The following ITGA1 variants were observed in gnomAD, a reference collection of about 807,000 sequenced individuals.
ITGA1 encodes the protein integrin subunit alpha 1.
In ITGA1, 85 loss-of-function variants were observed where a neutral mutation model predicts 145.9. That is an observed-to-expected ratio of 0.58 (90% confidence interval 0.49 to 0.70). The LOEUF (loss-of-function observed/expected upper bound fraction) is 0.70, where lower values mean the gene tolerates loss of function less well. Among genes scored for constraint, ITGA1 ranks in the 30% least tolerant of loss-of-function variants. ITGA1 has a pLI of 0.00. For missense variants in ITGA1, 1,351 were observed against 1,418.7 expected (o/e 0.95, Z 0.77); for synonymous variants, 520 against 495.3 (o/e 1.05, Z -0.66).
intron 1 of ITGA1, among the ~76,000 whole-genome samples, chr5:52,836,220 T>C (rs1456170048): frequency 6.6e-6 from 1 of 152,202 alleles, no homozygotes; most frequent in African/African-American, 2.4e-5. Context: ...TGTGTCTCTT[T>C]CTTACAGAAA....
chr5:52,873,219 C>T (rs1749806507), intron 6 of ITGA1, among the ~76,000 whole-genome samples: 1 of 152,194 alleles, frequency 6.6e-6, no homozygotes. Flanking sequence ...GGGGATTCCC[C>T]TGGACAACCC....
chr5:52,894,327 G>T (rs1579703346), intron 9 of ITGA1, among the ~76,000 whole-genome samples: 1 of 151,984 alleles, frequency 6.6e-6, no homozygotes, highest in African/African-American at 2.4e-5. Context: ...ATGGAAATTT[G>T]CCTTAAAATC....
chr5:52,937,593 T>C (rs1011128121), intron 24 of ITGA1, 79 bp downstream of exon 24: 36 of 849,602 alleles, frequency 4.2e-5, no homozygotes, highest in Admixed American at 1.9e-4. Flanking sequence ...TTCTGCATGA[T>C]ACTTGTAATA....
chr5:52,862,084 G>C (rs916220778), intron 3 of ITGA1, among the ~76,000 whole-genome samples: 3 of 151,778 alleles, frequency 2.0e-5, no homozygotes, highest in African/African-American at 7.3e-5. Flanking sequence ...TGGGCATAGT[G>C]GTACATGCCT....
At chr5:52,800,419 G>C (rs1300080098) in intron 1 of ITGA1, 10 of 1,613,982 alleles carry the variant, frequency 6.2e-6, no homozygotes, top group East Asian at 2.2e-5. Context: ...GAAGAACATC[G>C]AGAAGGACAA....
chr5:52,914,597 C>CAAAA (rs34589797), intron 14 of ITGA1, among the ~76,000 whole-genome samples: 1 of 141,908 alleles, frequency 7.0e-6, no homozygotes, highest in Non-Finnish European at 1.5e-5. Context: ...GATAGCGTCT[C>CAAAA]AAAAAAAAAA....
At chr5:52,884,447 TA>T (rs72022536) in intron 7 of ITGA1, among the ~76,000 whole-genome samples, 356 of 136,594 alleles carry the variant, frequency 2.6e-3, no homozygotes, top group Admixed American at 3.2e-3. Flanking sequence ...AACTCTGCCT[TA>T]AAAAAAAAAA....
chr5:52,883,644 C>G (rs544763841), intron 7 of ITGA1, among the ~76,000 whole-genome samples: 2 of 152,142 alleles, frequency 1.3e-5, no homozygotes, highest in East Asian at 3.9e-4. Flanking sequence ...TGTGTGTGTT[C>G]CCTTCTTCCT....
At position 52,954,987 on chromosome 5, in the gene ITGA1, C is replaced by G. The variant is rs568826048; in HGVS notation, c.*2536C>G. 6.6e-6 allele frequency: 1 copy of G among 152,178 alleles called. No individual in the cohort carries two copies. Among genetic ancestry groups the G allele is most frequent in the East Asian group, 1.9e-4 (1 of 5,178 alleles). The allele number at this position is 152,178 out of a possible 1,614,324, so 9.4% of individuals were successfully genotyped here. ...TTAGAAAAACAGGTGATATTTAAGA[C>G]TATTTATAAACTTATTGGCCAAATT... On this transcript the variant is annotated 3_prime_UTR_variant, in exon 29 of 29. Coordinates refer to ENST00000282588, the MANE Select transcript of ITGA1 (RefSeq NM_181501.2).
chr5:52,819,041 G>C (rs945079765), intron 1 of ITGA1, among the ~76,000 whole-genome samples: 1 of 152,168 alleles, frequency 6.6e-6, no homozygotes, highest in African/African-American at 2.4e-5. Context: ...TCAAAGGAGA[G>C]AGTTGTAGAT....
chr5:52,849,288 A>T, intron 1 of ITGA1, 77 bp from the exon 2 acceptor site: 1 of 1,277,406 alleles, frequency 7.8e-7, no homozygotes, highest in Non-Finnish European at 1.1e-6. Flanking sequence ...GGTAACCTTA[A>T]CCATGCCTTC....
At chr5:52,828,155 G>A (rs1268894257) in intron 1 of ITGA1, among the ~76,000 whole-genome samples, 3 of 152,094 alleles carry the variant, frequency 2.0e-5, no homozygotes. Flanking sequence ...AATTCTTTGG[G>A]GGTGATATAC....
chr5:52,869,388 C>T (rs1054357408), intron 6 of ITGA1, among the ~76,000 whole-genome samples: 1 of 152,036 alleles, frequency 6.6e-6, no homozygotes, highest in Non-Finnish European at 1.5e-5. Flanking sequence ...CTTGAACTCC[C>T]GACCACAGAT....
chr5:52,835,340 C>T (rs1037990296), intron 1 of ITGA1, among the ~76,000 whole-genome samples: 1 of 152,108 alleles, frequency 6.6e-6, no homozygotes, highest in Non-Finnish European at 1.5e-5. Context: ...TAAAGCGATA[C>T]ATCCTATGGG....
chr5:52,801,487 A>G (rs1186974645), intron 1 of ITGA1: 8 of 1,613,990 alleles, frequency 5.0e-6, no homozygotes, highest in Non-Finnish European at 6.8e-6. Flanking sequence ...CCTTTCAGAC[A>G]CTAAAGCTGC....
chr5:52,949,492 T>C (rs1036370667), intron 28 of ITGA1, among the ~76,000 whole-genome samples: 10 of 152,146 alleles, frequency 6.6e-5, no homozygotes, highest in African/African-American at 2.4e-4. Flanking sequence ...CTGAGGACAT[T>C]AAAGCAAAGG....
intron 7 of ITGA1, among the ~76,000 whole-genome samples, chr5:52,884,151 G>A (rs1683980468): frequency 6.6e-6 from 1 of 152,060 alleles, no homozygotes; most frequent in African/African-American, 2.4e-5. Flanking sequence ...ACTTTAAAAA[G>A]TCAGAAAATC....
Position 52,910,718 on chromosome 5 carries a change from A to G in ITGA1, c.1857+299A>G, listed in dbSNP as rs1023714735. On this transcript the variant is annotated intron_variant, in intron 14 of 28. Transcript: ENST00000282588. The stretch of plus-strand genomic sequence containing the variant: ...ATACACACTATATACTATATATGGT[A>G]TATATAGTGTGTATATAGTATGTAT... Among the ~76,000 whole-genome samples, 8 of 146,810 alleles carry G rather than the reference A, an allele frequency of 5.4e-5. No individual in the cohort carries two copies. In the East Asian group the frequency reaches 1.2e-3, roughly 22 times the overall value.
chr5:52,832,280 A>G (rs1749083445), intron 1 of ITGA1, among the ~76,000 whole-genome samples: 1 of 152,102 alleles, frequency 6.6e-6, no homozygotes, highest in Admixed American at 6.6e-5. Context: ...AGAATTAATC[A>G]ACGGTGGCCA....
Sources: allele counts gnomAD v4.1 joint callset (sites outside exome capture counted in the v4.1 genomes callset), GRCh38; gene constraint gnomAD v4.1.1; transcripts MANE v1.5; gene names NCBI Gene and HGNC (gene_info 2026-07-23, HGNC 2026-07-21).